Variants in ADAM9 observed in about 807,000 individuals in gnomAD.
ADAM9 encodes disintegrin and metalloproteinase domain-containing protein 9.
In ADAM9, 54 loss-of-function variants were observed where a neutral mutation model predicts 108.1. That is an observed-to-expected ratio of 0.50 (90% CI 0.40 to 0.63). The LOEUF (loss-of-function observed/expected upper bound fraction) is 0.63. ADAM9 is among the 20% of genes least tolerant of loss of function. ADAM9 has a pLI of 0.00. For synonymous variants in ADAM9, 316 were observed against 336.0 expected, an observed-to-expected ratio of 0.94 and a Z score of 0.65; for missense variants, 830 against 997.7, an observed-to-expected ratio of 0.83 and a Z score of 2.26.
intron 8 of ADAM9, among the ~76,000 whole-genome samples, 174 bp downstream of exon 8, chr8:39,021,888 G>C (rs1836752529): frequency 6.6e-6 from 1 of 152,188 alleles, no homozygotes; most frequent in African/African-American, 2.4e-5. Flanking sequence ...TTAAAGGAAA[G>C]TACCAGTGTA....
intron 1 of ADAM9, among the ~76,000 whole-genome samples, chr8:39,002,567 T>C (rs1836034190): frequency 1.3e-5 from 2 of 151,842 alleles, no homozygotes; most frequent in Admixed American, 1.3e-4. Flanking sequence ...GTGATCCGCC[T>C]GCCTCGGCCT....
chr8:39,045,365 T>TGC lies in ADAM9; in HGVS notation c.1302+3249_1302+3250insCG, dbSNP rs1174923004. Among the ~76,000 whole-genome samples, 88 of 108,358 alleles carry TGC rather than the reference T, an allele frequency of 8.1e-4. 13 individuals carry two copies. The highest frequency in any genetic ancestry group is 1.1e-3 in the Non-Finnish European group (54 of 48,408). 71.1% of individuals were successfully genotyped at this position (108,358 alleles called of 152,430 possible). A position where few individuals can be genotyped will look rare whatever the true frequency, so the allele number is the denominator to read the frequency against. On this transcript the variant is annotated intron_variant, in intron 12 of 21. Transcript: ENST00000487273. The stretch of plus-strand genomic sequence containing the variant: ...ATACATGTGTGTACATACATATAGG[T>TGC]GTGTGTACATACACCTATAGGTGTG...
At chr8:39,075,374 T>C (rs1309987319) in intron 15 of ADAM9, among the ~76,000 whole-genome samples, 1 of 152,194 alleles carries the variant, frequency 6.6e-6, no homozygotes, top group Non-Finnish European at 1.5e-5. Context: ...CTTTTTAAAA[T>C]TGCAGCTGTC....
chr8:39,051,189 A>G (rs1837946954), intron 12 of ADAM9, among the ~76,000 whole-genome samples: 1 of 152,168 alleles, frequency 6.6e-6, no homozygotes, highest in South Asian at 2.1e-4. Flanking sequence ...GTAGTCCCTC[A>G]GGAAGCACTC....
intron 9 of ADAM9, 97 bp downstream of exon 9, chr8:39,023,422 G>A (rs1836813836): frequency 7.6e-7 from 1 of 1,323,660 alleles, no homozygotes; most frequent in African/African-American, 1.5e-5. Context: ...TGAGGTTTTG[G>A]GGTATTCATT....
At chr8:39,031,685 TC>T (rs2129435008) in intron 11 of ADAM9, among the ~76,000 whole-genome samples, 1 of 152,338 alleles carries the variant, frequency 6.6e-6, no homozygotes, top group South Asian at 2.1e-4. Context: ...CCAGCTTTGT[TC>T]CGTTGCTGGC....
intron 7 of ADAM9, among the ~76,000 whole-genome samples, chr8:39,019,896 C>T (rs7832578): frequency 0.37 from 56,972 of 152,060 alleles, 11,207 homozygotes; most frequent in African/African-American, 0.51. Context: ...AGGAAAAGCA[C>T]ATGGAATATG....
intron 8 of ADAM9, among the ~76,000 whole-genome samples, chr8:39,022,163 G>A (rs1250129818): frequency 1.3e-5 from 2 of 151,826 alleles, no homozygotes; most frequent in Non-Finnish European, 2.9e-5. Context: ...CATCCGGTGG[G>A]AGATATTAAA....
intron 1 of ADAM9, among the ~76,000 whole-genome samples, chr8:39,001,756 C>CT (rs911208066): frequency 3.8e-4 from 58 of 152,014 alleles, no homozygotes; most frequent in Middle Eastern, 3.4e-3. Context: ...CAACCTCTGC[C>CT]TCCCAGGTTC....
chr8:39,045,219 C>CATATATGTGT (rs1564298774), intron 12 of ADAM9, among the ~76,000 whole-genome samples: 1 of 121,352 alleles, frequency 8.2e-6, no homozygotes, highest in African/African-American at 3.7e-5. Context: ...TGTATACATA[C>CATATATGTGT]ATATATGTGT....
Position 39,083,047 on chromosome 8 carries a change from G to A in ADAM9, c.2042G>A (p.Ser681Asn). The change falls in exon 18 of 22, where the codon AGT becomes AAT. Residue 681 changes from serine to asparagine, a missense_variant. By Grantham distance (46) the Ser-to-Asn change is conservative. Coordinates refer to ENST00000487273, the MANE Select transcript of ADAM9 (RefSeq NM_003816.3). The stretch of plus-strand genomic sequence containing the variant: ...TGTGAGACTAAAGGATACGGAGGAA[G>A]TGTGGACAGTGGACCTACATACAAT... ...PNCETKGYGG[S>N]VDSGPTYNEM... 6.2e-7 allele frequency: 1 copy of A among 1,613,930 alleles called. No individual in the cohort carries two copies. Among genetic ancestry groups the A allele is most frequent in the Non-Finnish European group, 8.5e-7 (1 of 1,179,812 alleles).
At chr8:39,014,326 T>C in intron 4 of ADAM9, 1 of 549,518 alleles carries the variant, frequency 1.8e-6, no homozygotes, top group Non-Finnish European at 3.2e-6. Flanking sequence ...TTTGATATGT[T>C]TTGAAAATAG....
At chr8:39,002,033 T>TAAA (rs35778686) in intron 1 of ADAM9, among the ~76,000 whole-genome samples, 28 of 108,612 alleles carry the variant, frequency 2.6e-4, no homozygotes, top group African/African-American at 8.5e-4. Flanking sequence ...CTAGAATGAT[T>TAAA]AAAAAAAAAA....
intron 12 of ADAM9, among the ~76,000 whole-genome samples, chr8:39,052,897 A>C (rs9643902): frequency 6.6e-6 from 1 of 151,968 alleles, no homozygotes; most frequent in African/African-American, 2.4e-5. Flanking sequence ...TTAACTTTTC[A>C]AGAAACTCTC....
chr8:39,076,224 A>G (rs1413263808), intron 15 of ADAM9: 1 of 152,162 alleles, frequency 6.6e-6, no homozygotes, highest in African/African-American at 2.4e-5. Context: ...CATATTTAGG[A>G]GGGAGCGTCC....
intron 14 of ADAM9, among the ~76,000 whole-genome samples, chr8:39,056,748 C>T (rs1345876584): frequency 6.6e-6 from 1 of 151,988 alleles, no homozygotes; most frequent in Non-Finnish European, 1.5e-5. Context: ...AACCATTGGC[C>T]TGATTGTGCC....
At chr8:39,052,221 A>G (rs1398962182) in intron 12 of ADAM9, among the ~76,000 whole-genome samples, 1 of 152,136 alleles carries the variant, frequency 6.6e-6, no homozygotes, top group Non-Finnish European at 1.5e-5. Flanking sequence ...ATACTGTTTT[A>G]GTTTACAGTT....
At chr8:39,081,149 A>G (rs1403130454) in intron 16 of ADAM9, among the ~76,000 whole-genome samples, 2 of 151,758 alleles carry the variant, frequency 1.3e-5, no homozygotes, top group Non-Finnish European at 2.9e-5. Flanking sequence ...GGGTTTCACC[A>G]TGTTGGCCAG....
chr8:38,998,972 A>T (rs1344024002), intron 1 of ADAM9, among the ~76,000 whole-genome samples: 1 of 152,002 alleles, frequency 6.6e-6, no homozygotes, highest in Non-Finnish European at 1.5e-5. Context: ...TAGGGGTGCG[A>T]CCTAATCTCA....
Sources: allele counts gnomAD v4.1 joint callset (sites outside exome capture counted in the v4.1 genomes callset), GRCh38; gene constraint gnomAD v4.1.1; transcripts MANE v1.5; gene names NCBI Gene and HGNC (gene_info 2026-07-23, HGNC 2026-07-21).